CMSS1: variants seen among roughly 807,000 people sequenced by gnomAD.
CMSS1 encodes cms1 ribosomal small subunit homolog.
CMSS1 carries 33 observed loss-of-function variants against 43.5 expected under a neutral mutation model. The ratio of observed to expected loss-of-function variants is 0.76; its 90% CI spans 0.57 to 1.01. The LOEUF (loss-of-function observed/expected upper bound fraction) is 1.01. Ranked by LOEUF, CMSS1 falls within the 50% of genes least tolerant of loss-of-function variation. The probability of loss-of-function intolerance (pLI) is 0.00; values close to 1 mark genes in which losing one functional copy is unlikely to be tolerated. For synonymous variants in CMSS1, 115 were observed against 117.2 expected (o/e 0.98, Z 0.12); for missense variants, 313 against 326.4 (o/e 0.96, Z 0.32).
At chr3:99,912,408 G>T (rs939098833) in intron 1 of CMSS1, among the ~76,000 whole-genome samples, 1 of 152,118 alleles carries the variant, frequency 6.6e-6, no homozygotes, top group Non-Finnish European at 1.5e-5. Flanking sequence ...ACAGGGTCTT[G>T]CTTTGTTTCC....
intron 4 of CMSS1, among the ~76,000 whole-genome samples, chr3:100,165,311 G>C (rs976777951): frequency 2.0e-5 from 3 of 151,794 alleles, no homozygotes; most frequent in Non-Finnish European, 2.9e-5. Context: ...TCCAGCCCCT[G>C]TTTTATTTTA....
At chr3:99,958,236 T>C (rs1198422261) in intron 1 of CMSS1, among the ~76,000 whole-genome samples, 1 of 146,888 alleles carries the variant, frequency 6.8e-6, no homozygotes, top group African/African-American at 2.5e-5. Context: ...TTATTATTAT[T>C]ATTATTATTA....
chr3:100,035,404 G>A (rs2065090272), intron 1 of CMSS1, among the ~76,000 whole-genome samples: 1 of 152,146 alleles, frequency 6.6e-6, no homozygotes, highest in Non-Finnish European at 1.5e-5. Flanking sequence ...CTCCGGAGTA[G>A]CTGGGACTAC....
At chr3:100,038,430 A>G (rs1052186530) in intron 1 of CMSS1, among the ~76,000 whole-genome samples, 5 of 152,032 alleles carry the variant, frequency 3.3e-5, no homozygotes, top group Admixed American at 1.3e-4. Flanking sequence ...TTTTTTCACC[A>G]TTTTTTTGCT....
At chr3:100,076,312 C>T (rs911180651) in intron 1 of CMSS1, among the ~76,000 whole-genome samples, 1 of 152,146 alleles carries the variant, frequency 6.6e-6, no homozygotes, top group Non-Finnish European at 1.5e-5. Flanking sequence ...AGATGCTTTT[C>T]ATCTTTCTGA....
intron 1 of CMSS1, chr3:99,849,291 T>C (rs774614054): frequency 9.9e-6 from 16 of 1,614,046 alleles, no homozygotes; most frequent in Non-Finnish European, 1.4e-5. Flanking sequence ...CTTTAGAAAA[T>C]ACTTGAGGAT....
intron 1 of CMSS1, among the ~76,000 whole-genome samples, chr3:100,023,090 A>T (rs2064855153): frequency 6.6e-6 from 1 of 152,214 alleles, no homozygotes; most frequent in Non-Finnish European, 1.5e-5. Context: ...ATGAATCAGT[A>T]GTAAAGAGAT....
At chr3:99,899,344 G>T (rs550217433) in intron 1 of CMSS1, among the ~76,000 whole-genome samples, 16 of 152,076 alleles carry the variant, frequency 1.1e-4, no homozygotes, top group Non-Finnish European at 2.2e-4. Flanking sequence ...TTCTTATTAT[G>T]ATGCATTCCT....
intron 1 of CMSS1, among the ~76,000 whole-genome samples, chr3:99,978,413 G>A (rs1709028874): frequency 6.6e-6 from 1 of 152,176 alleles, no homozygotes; most frequent in Non-Finnish European, 1.5e-5. Context: ...AATGGATAAA[G>A]AAAATGTGGT....
At chr3:99,926,247 A>G (rs190107332) in intron 1 of CMSS1, among the ~76,000 whole-genome samples, 2 of 152,374 alleles carry the variant, frequency 1.3e-5, no homozygotes, top group Admixed American at 1.3e-4. Flanking sequence ...GAACCCAGTA[A>G]ATTCTCTCTG....
At chr3:100,104,356 G>A (rs983637218) in intron 1 of CMSS1, among the ~76,000 whole-genome samples, 4 of 152,164 alleles carry the variant, frequency 2.6e-5, no homozygotes, top group Non-Finnish European at 4.4e-5. Flanking sequence ...AACTACATCA[G>A]TTGTCTTTGT....
intron 1 of CMSS1, among the ~76,000 whole-genome samples, chr3:100,025,847 A>T (rs1006022009): frequency 1.1e-4 from 16 of 152,138 alleles, no homozygotes; most frequent in African/African-American, 3.9e-4. Context: ...AAGATAAATA[A>T]TTTGCCGGTT....
intron 1 of CMSS1, among the ~76,000 whole-genome samples, chr3:99,906,871 C>G (rs1706634246): frequency 6.6e-6 from 1 of 152,200 alleles, no homozygotes; most frequent in Non-Finnish European, 1.5e-5. Flanking sequence ...TGCCCTAACT[C>G]CCTACCATGC....
chr3:100,027,844 C>T (rs1045587494), intron 1 of CMSS1, among the ~76,000 whole-genome samples: 3 of 151,976 alleles, frequency 2.0e-5, no homozygotes, highest in African/African-American at 7.2e-5. Context: ...GTAAAAATAC[C>T]CATGATGCTT....
intron 1 of CMSS1, among the ~76,000 whole-genome samples, chr3:99,853,170 G>A (rs1654193466): frequency 6.6e-6 from 1 of 152,102 alleles, no homozygotes; most frequent in African/African-American, 2.4e-5. Context: ...AGAGTCCATG[G>A]GTAAACTGCT....
At chr3:100,132,272 A>C (rs2066714938) in intron 1 of CMSS1, among the ~76,000 whole-genome samples, 1 of 152,140 alleles carries the variant, frequency 6.6e-6, no homozygotes. Flanking sequence ...ACATAGTGGC[A>C]TGTAGCTGTA....
intron 2 of CMSS1, among the ~76,000 whole-genome samples, chr3:100,154,093 G>A (rs1401553443): frequency 4.6e-5 from 7 of 152,048 alleles, no homozygotes; most frequent in African/African-American, 7.2e-5. Flanking sequence ...CAAGTGATCC[G>A]TCCACCTGGG....
chr3:99,902,759 A>G (rs1706477980), intron 1 of CMSS1, among the ~76,000 whole-genome samples: 1 of 152,182 alleles, frequency 6.6e-6, no homozygotes, highest in Non-Finnish European at 1.5e-5. Context: ...CTACTATTCT[A>G]GTTGCCTGTC....
At chr3:100,093,059 C>T (rs1385886827) in intron 1 of CMSS1, among the ~76,000 whole-genome samples, 1 of 151,720 alleles carries the variant, frequency 6.6e-6, no homozygotes, top group African/African-American at 2.4e-5. Context: ...TAGATAACTG[C>T]AGAAATAGAA....
Sources: allele counts gnomAD v4.1 joint callset (sites outside exome capture counted in the v4.1 genomes callset), GRCh38; gene constraint gnomAD v4.1.1; transcripts MANE v1.5; gene names NCBI Gene and HGNC (gene_info 2026-07-23, HGNC 2026-07-21).